The following GPNMB variants were observed in gnomAD, a reference collection of about 807,000 sequenced individuals.
GPNMB encodes glycoprotein nmb.
A neutral mutation model predicts 57.3 loss-of-function variants in GPNMB; 71 were observed. The ratio of observed to expected loss-of-function variants is 1.24; its 90% CI spans 1.02 to 1.51. The LOEUF (loss-of-function observed/expected upper bound fraction) is 1.51. Among genes scored for constraint, GPNMB ranks in the 40% most tolerant of loss-of-function variants. GPNMB has a pLI of 0.00. For missense variants in GPNMB, 677 were observed against 691.9 expected (o/e 0.98, Z 0.24); for synonymous variants, 253 against 263.2 (o/e 0.96, Z 0.38).
intron 8 of GPNMB, among the ~76,000 whole-genome samples, 182 bp from the exon 9 acceptor site, chr7:23,269,785 G>C (rs775265233): frequency 6.6e-6 from 1 of 152,146 alleles, no homozygotes; most frequent in Non-Finnish European, 1.5e-5. Flanking sequence ...ATAGCTCAGC[G>C]CACAGGCTTG....
At position 23,266,514 on chromosome 7, in the gene GPNMB, C is replaced by T; in HGVS notation, c.1019-3C>T. 1 of 1,613,082 alleles carries T rather than the reference C, an allele frequency of 6.2e-7. No individual in the cohort carries two copies. On this transcript the variant is annotated splice_polypyrimidine_tract_variant and splice_region_variant and intron_variant, in intron 6 of 10. Coordinates refer to ENST00000258733, the MANE Select transcript of GPNMB (RefSeq NM_002510.3). ...CTAAAATCTTATGATTCAAACACCC[C>T]AGGACCTGCTGGTGACAACCCCCTG...
At chr7:23,264,800 G>A (rs1348223587) in intron 6 of GPNMB, among the ~76,000 whole-genome samples, 1 of 152,174 alleles carries the variant, frequency 6.6e-6, no homozygotes, top group East Asian at 1.9e-4. Flanking sequence ...AACAAGAGAA[G>A]TTTTATTTTA....
chr7:23,246,817 CAG>C lies in GPNMB; in HGVS notation c.-38_-37del, dbSNP rs1338331484. The C allele has an allele frequency of 2.1e-6, 3 of 1,457,786 alleles. No individual in the cohort carries two copies. Among genetic ancestry groups the C allele is most frequent in the Non-Finnish European group, 2.9e-6 (3 of 1,037,498 alleles). 90.3% of individuals were successfully genotyped at this position (1,457,786 alleles called of 1,614,324 possible). A position where few individuals can be genotyped will look rare whatever the true frequency, so the allele number is the denominator to read the frequency against. On this transcript the variant is annotated 5_prime_UTR_variant, in exon 1 of 11. Transcript: ENST00000258733. ...CTTGGTGGACGGGCCCAGAGGAATTCAGAGTTAAACCTTGAGTGCCTGCGTCC... is the reference window on the plus strand; with the variant it reads ...CTTGGTGGACGGGCCCAGAGGAATTCAGTTAAACCTTGAGTGCCTGCGTCC...
intron 6 of GPNMB, 93 bp from the exon 7 acceptor site, chr7:23,266,424 G>A: frequency 1.5e-6 from 2 of 1,338,686 alleles, no homozygotes; most frequent in Non-Finnish European, 2.1e-6. Flanking sequence ...TTTCTAAAAA[G>A]CAAATGGCAA....
rs200362530 is a variant in GPNMB, at chr7:23,273,559, A to G, written c.1468A>G (p.Ile490Val). The G allele has an allele frequency of 1.2e-6, 2 of 1,613,952 alleles. No individual in the cohort carries two copies. Among genetic ancestry groups the G allele is most frequent in the African/African-American group, 2.7e-5 (2 of 75,022 alleles). Residue 490 changes from isoleucine to valine, a missense_variant, in exon 10 of 11, where the codon ATC (isoleucine) becomes GTC (valine). By Grantham distance (29) the Ile-to-Val change is conservative. Transcript: ENST00000258733. ...TTTAAGGATGGCAAACAGTGCCCTG[A>G]TCTCCGTTGGCTGCTTGGCCATATT... ...SPLRMANSAL[I>V]SVGCLAIFVT...
Position 23,266,517 on chromosome 7 carries a change from G to C in GPNMB, c.1019G>C (p.Gly340Ala). ...AAATCTTATGATTCAAACACCCCAG[G>C]ACCTGCTGGTGACAACCCCCTGGAG... The part of the protein sequence containing the change: ...PRPSKPTPSL[G>A]PAGDNPLELS... The change falls in exon 7 of 11, where the codon GGA becomes GCA. Residue 340 changes from glycine to alanine, a missense_variant and splice_region_variant. By Grantham distance (60) the Gly-to-Ala change is moderately conservative. Transcript: ENST00000258733. 6.2e-7 allele frequency: 1 copy of C among 1,613,166 alleles called. No individual in the cohort carries two copies. Among genetic ancestry groups the C allele is most frequent in the Non-Finnish European group, 8.5e-7 (1 of 1,179,244 alleles).
At chr7:23,253,520 G>A in intron 2 of GPNMB, 61 bp downstream of exon 2, 1 of 1,419,804 alleles carries the variant, frequency 7.0e-7, no homozygotes, top group Non-Finnish European at 9.8e-7. Context: ...TCTTGTAGAT[G>A]GTAAAGCCTT....
chr7:23,263,151 A>G (rs1782970137), intron 6 of GPNMB, among the ~76,000 whole-genome samples: 1 of 152,162 alleles, frequency 6.6e-6, no homozygotes, highest in Admixed American at 6.5e-5. Context: ...AAAAGACTTA[A>G]TGTTAGGTTG....
At chr7:23,247,214 T>A in intron 1 of GPNMB, 1 of 428,940 alleles carries the variant, frequency 2.3e-6, no homozygotes, top group Non-Finnish European at 4.4e-6. Context: ...CAGACAGTGG[T>A]TGGGGGAGGG....
In GPNMB at chr7:23,246,927, C is replaced by T. The variant is rs761368241; in HGVS notation, c.70C>T (p.Arg24Ter). ...AARLPLDAAK[R>*]FHDVLGNERP... Reference sequence around the variant, plus strand: ...AAGATTGCCACTTGATGCCGCCAAACGTGAGTAACCCTTAATTTCTATGTT... The same window carrying T: ...AAGATTGCCACTTGATGCCGCCAAATGTGAGTAACCCTTAATTTCTATGTT... Residue 24 changes from arginine (R) to a stop codon, truncating the protein, a stop_gained and splice_region_variant, in exon 1 of 11, where the codon CGA becomes TGA. Transcript: ENST00000258733. LOFTEE classifies it high-confidence loss of function. 3.7e-6 allele frequency: 6 copies of T among 1,607,098 alleles called. No homozygotes were observed. The highest frequency in any genetic ancestry group is 2.2e-5 in the South Asian group (2 of 90,936).
intron 1 of GPNMB, chr7:23,247,288 CAA>C (rs1782554828): frequency 3.5e-6 from 1 of 284,062 alleles, no homozygotes; most frequent in Non-Finnish European, 6.9e-6. Flanking sequence ...AGCTTCCATC[CAA>C]AAGGGTGGAG....
At chr7:23,248,555 T>C (rs1213013902) in intron 1 of GPNMB, among the ~76,000 whole-genome samples, 6 of 152,096 alleles carry the variant, frequency 3.9e-5, no homozygotes, top group African/African-American at 1.4e-4. Context: ...TTCCTACCAT[T>C]TTCCATTCGT....
intron 6 of GPNMB, among the ~76,000 whole-genome samples, chr7:23,261,789 AAG>A (rs1348141541): frequency 6.6e-6 from 1 of 152,098 alleles, no homozygotes; most frequent in African/African-American, 2.4e-5. Context: ...ATTTAAAAAA[AAG>A]AGAAAAATAA....
At chr7:23,268,586 G>A (rs1331285119) in intron 8 of GPNMB, among the ~76,000 whole-genome samples, 1 of 152,054 alleles carries the variant, frequency 6.6e-6, no homozygotes, top group Non-Finnish European at 1.5e-5. Flanking sequence ...ATACTATATC[G>A]ATTAACTAAA....
intron 1 of GPNMB, among the ~76,000 whole-genome samples, chr7:23,248,650 G>A (rs1054162158): frequency 1.3e-5 from 2 of 152,184 alleles, no homozygotes; most frequent in Non-Finnish European, 2.9e-5. Flanking sequence ...CAGCAAGGAT[G>A]CCAAAGTGTG....
At chr7:23,258,333 A>G (rs537550157) in intron 4 of GPNMB, among the ~76,000 whole-genome samples, 3 of 152,344 alleles carry the variant, frequency 2.0e-5, no homozygotes, top group East Asian at 3.9e-4. Flanking sequence ...AACAATACAT[A>G]CCCATTGAAC....
intron 1 of GPNMB, chr7:23,247,504 A>G (rs1177847302): frequency 6.4e-6 from 1 of 156,492 alleles, no homozygotes; most frequent in Non-Finnish European, 1.4e-5. Context: ...ATGAAACCGG[A>G]ATCTTTGGGA....
At chr7:23,262,491 T>C (rs1335244416) in intron 6 of GPNMB, among the ~76,000 whole-genome samples, 1 of 152,134 alleles carries the variant, frequency 6.6e-6, no homozygotes, top group Non-Finnish European at 1.5e-5. Flanking sequence ...CTTTTTCTAA[T>C]TTAACAAACA....
At chr7:23,256,391 C>A (rs1474128960) in intron 3 of GPNMB, among the ~76,000 whole-genome samples, 1 of 152,072 alleles carries the variant, frequency 6.6e-6, no homozygotes, top group Non-Finnish European at 1.5e-5. Flanking sequence ...TTTTAAAAAT[C>A]ATTTAAAGCA....
Sources: gnomAD v4.1 joint callset for allele counts (sites outside exome capture counted in the v4.1 genomes callset) on GRCh38, gnomAD v4.1.1 for gene constraint, MANE v1.5 for transcripts, NCBI Gene and HGNC (gene_info 2026-07-23, HGNC 2026-07-21) for gene names.